TXNRD3: variants seen among roughly 807,000 people sequenced by gnomAD.
TXNRD3 encodes TXNRD3 neighbor gene protein.
Under a neutral mutation model 78.2 loss-of-function variants are expected in TXNRD3, and 68 were observed. The ratio of observed to expected loss-of-function variants is 0.87; its 90% CI spans 0.72 to 1.06. The LOEUF (loss-of-function observed/expected upper bound fraction) is 1.06. Among genes scored for constraint, TXNRD3 ranks in the 50% least tolerant of loss-of-function variants. The pLI, the probability that TXNRD3 is intolerant of heterozygous loss-of-function variation, is 0.00. For synonymous variants in TXNRD3, 296 were observed against 300.1 expected (o/e 0.99, Z 0.14); for missense variants, 751 against 809.5 (o/e 0.93, Z 0.88).
Position 126,637,932 on chromosome 3 carries a change from C to CTTTTTT in TXNRD3, c.713-3887_713-3882dup, listed in dbSNP as rs71615916. Among the ~76,000 whole-genome samples the CTTTTTT allele has an allele frequency of 1.2e-3, 73 of 60,240 alleles. 3 individuals carry two copies. The highest frequency in any genetic ancestry group is 1.3e-3 in the Non-Finnish European group (47 of 35,184). The allele number at this position is 60,240 out of a possible 152,430, so 39.5% of individuals were successfully genotyped here. On this transcript the variant is annotated intron_variant, in intron 6 of 15. Coordinates refer to ENST00000524230, the MANE Select transcript of TXNRD3 (RefSeq NM_052883.3). ...CTTATTTTAACCTATATTTCTCTCT[C>CTTTTTT]TTTTTTTTTTTTTTTTTTTTTTTTT...
At position 126,630,764 on chromosome 3, in the gene TXNRD3, G is replaced by T; in HGVS notation, c.1145C>A (p.Ser382Tyr). 1.3e-6 allele frequency: 2 copies of T among 1,534,510 alleles called. No individual in the cohort carries two copies. Among genetic ancestry groups the T allele is most frequent in the Non-Finnish European group, 1.7e-6 (2 of 1,146,868 alleles). Residue 382 changes from serine to tyrosine, a missense_variant, in exon 9 of 16, where the codon TCC becomes TAC. By Grantham distance (144) the Ser-to-Tyr change is moderately radical. Transcript: ENST00000524230. Reference sequence around the variant, plus strand: ...CTTCACACCATGCTGCTCCATGTAGGAACCCACTTTTTCTGCCATTTCTTG... The same window carrying T: ...CTTCACACCATGCTGCTCCATGTAGTAACCCACTTTTTCTGCCATTTCTTG...
At chr3:126,615,486 G>T in intron 12 of TXNRD3, 24 bp from the exon 13 acceptor site, 1 of 1,250,944 alleles carries the variant, frequency 8.0e-7, no homozygotes, top group African/African-American at 1.5e-5. Context: ...AAATTACATT[G>T]TCTTATTTTG....
chr3:126,609,119 T>C, intron 14 of TXNRD3: 1 of 438,092 alleles, frequency 2.3e-6, no homozygotes, highest in South Asian at 1.6e-5. Context: ...AGGTATGGGG[T>C]GCAGGCAATG....
chr3:126,630,563 G>T lies in TXNRD3; in HGVS notation c.1197+149C>A, dbSNP rs554314552. On this transcript the variant is annotated intron_variant, in intron 9 of 15. Coordinates refer to ENST00000524230, the MANE Select transcript of TXNRD3 (RefSeq NM_052883.3). ...TCCTATATCAGAAGAGGGGACGAGG[G>T]GGAAAATGGGGTTGGCTCTGTAGAC... 1.4e-5 allele frequency: 11 copies of T among 803,990 alleles called. 1 individual carries two copies. The South Asian group carries it at 1.8e-4, about 13-fold the overall frequency. The allele number at this position is 803,990 out of a possible 1,614,324, so 49.8% of individuals were successfully genotyped here.
At chr3:126,635,741 T>C (rs1239312467) in intron 6 of TXNRD3, among the ~76,000 whole-genome samples, 1 of 152,198 alleles carries the variant, frequency 6.6e-6, no homozygotes, top group Non-Finnish European at 1.5e-5. Flanking sequence ...TTTATATTCT[T>C]TCCTTATATA....
At chr3:126,639,144 G>A (rs1932992606) in intron 6 of TXNRD3, among the ~76,000 whole-genome samples, 1 of 152,196 alleles carries the variant, frequency 6.6e-6, no homozygotes, top group South Asian at 2.1e-4. Context: ...TTGAAACAGT[G>A]TAGATATTTA....
In TXNRD3 at chr3:126,622,878, G is replaced by A. The variant is rs774772881; in HGVS notation, c.1291-338C>T. Among the ~76,000 whole-genome samples, 50 of 152,258 alleles carry A rather than the reference G, an allele frequency of 3.3e-4. 1 individual carries two copies. Among genetic ancestry groups the A allele is most frequent in the Non-Finnish European group, 5.6e-4 (38 of 68,016 alleles). ...GGTCATATGGGTGTGCCTTAATCCAGTATGACTGGTGTGCTATAAGAAGAG... is the reference window on the plus strand; with the variant it reads ...GGTCATATGGGTGTGCCTTAATCCAATATGACTGGTGTGCTATAAGAAGAG... On this transcript the variant is annotated intron_variant, in intron 10 of 15. Coordinates refer to ENST00000524230, the MANE Select transcript of TXNRD3 (RefSeq NM_052883.3).
chr3:126,628,099 C>T (rs1018680099), intron 10 of TXNRD3, among the ~76,000 whole-genome samples: 2 of 151,948 alleles, frequency 1.3e-5, no homozygotes, highest in African/African-American at 2.4e-5. Context: ...CAGCTGCAAA[C>T]GAAACACTGT....
chr3:126,652,950 T>C (rs1049787832), intron 1 of TXNRD3, among the ~76,000 whole-genome samples: 5 of 152,250 alleles, frequency 3.3e-5, no homozygotes, highest in African/African-American at 1.2e-4. Flanking sequence ...AACTGCCCAG[T>C]GGCACGAGGT....
chr3:126,651,392 A>G (rs1933386738), intron 1 of TXNRD3, among the ~76,000 whole-genome samples: 1 of 152,250 alleles, frequency 6.6e-6, no homozygotes, highest in South Asian at 2.1e-4. Context: ...AATTCCAATA[A>G]TCAGAGTTGT....
intron 7 of TXNRD3, 94 bp downstream of exon 7, chr3:126,633,815 C>T: frequency 9.8e-7 from 1 of 1,019,490 alleles, no homozygotes. Flanking sequence ...ACGCCTGTTA[C>T]ACCCCTTAAC....
chr3:126,626,933 A>T (rs531944546), intron 10 of TXNRD3, among the ~76,000 whole-genome samples: 15 of 152,208 alleles, frequency 9.9e-5, no homozygotes, highest in Admixed American at 2.0e-4. Flanking sequence ...CGTAAAAAAA[A>T]AAAAATTAGC....
At chr3:126,617,969 T>C (rs1401757523) in intron 12 of TXNRD3, among the ~76,000 whole-genome samples, 1 of 152,216 alleles carries the variant, frequency 6.6e-6, no homozygotes, top group Non-Finnish European at 1.5e-5. Flanking sequence ...CAATTCCATT[T>C]ATAATAGCTA....
rs1576276709 is a variant in TXNRD3, at chr3:126,607,669, G to A, written c.*236C>T. ...GGCTCACCTCATAACGGGGCTCCAA[G>A]CTAAGGCGTCAAGGAAGCAGTCCCA... On this transcript the variant is annotated 3_prime_UTR_variant, in exon 16 of 16. Transcript: ENST00000524230. 5 of 344,154 alleles carry A rather than the reference G, an allele frequency of 1.5e-5. No homozygotes were observed. In the East Asian group the frequency reaches 2.2e-4, roughly 15 times the overall value. The allele number at this position is 344,154 out of a possible 1,614,324, so 21.3% of individuals were successfully genotyped here. A position where few individuals can be genotyped will look rare whatever the true frequency, so the allele number is the denominator to read the frequency against.
intron 10 of TXNRD3, among the ~76,000 whole-genome samples, chr3:126,623,093 C>G (rs1444321223): frequency 2.0e-5 from 3 of 152,152 alleles, no homozygotes; most frequent in Non-Finnish European, 4.4e-5. Flanking sequence ...TGGTACTCTT[C>G]CAGAACTGTG....
chr3:126,638,068 C>T (rs368220917), intron 6 of TXNRD3, among the ~76,000 whole-genome samples: 171 of 150,030 alleles, frequency 1.1e-3, no homozygotes, highest in African/African-American at 3.7e-3. Flanking sequence ...CTCAACCTCC[C>T]GAGTAGCTGG....
rs2107625233 is a variant in TXNRD3, at chr3:126,642,157, G to A, written c.593-6C>T. ...TACACAAGTGCCACCAAGACCTGAG[G>A]AAGAAAATAAGTTTTAATGCTTCTT... is the stretch of plus-strand genomic sequence containing the variant. On this transcript the variant is annotated splice_region_variant and splice_polypyrimidine_tract_variant and intron_variant, in intron 5 of 15. Transcript: ENST00000524230. 3.3e-6 allele frequency: 5 copies of A among 1,528,538 alleles called. No homozygotes were observed. The highest frequency in any genetic ancestry group is 4.4e-6 in the Non-Finnish European group (5 of 1,144,554). 94.7% of individuals were successfully genotyped at this position (1,528,538 alleles called of 1,614,324 possible). A position where few individuals can be genotyped will look rare whatever the true frequency, so the allele number is the denominator to read the frequency against.
chr3:126,642,033 T>A lies in TXNRD3; in HGVS notation c.711A>T (p.Gln237His). 1 of 1,534,320 alleles carries A rather than the reference T, an allele frequency of 6.5e-7. No homozygotes were observed. Among genetic ancestry groups the A allele is most frequent in the South Asian group, 1.2e-5 (1 of 83,578 alleles). Reference sequence around the variant, plus strand: ...TATACTTTATGAACCATTACTCACCTTGTTGATTATATTCCCAGCCAAATT... The same window carrying A: ...TATACTTTATGAACCATTACTCACCATGTTGATTATATTCCCAGCCAAATT... Residue 237 changes from glutamine (Q) to histidine (H), a missense_variant and splice_region_variant, in exon 6 of 16, where the codon CAA (glutamine) becomes CAT (histidine). Coordinates refer to ENST00000524230, the MANE Select transcript of TXNRD3 (RefSeq NM_052883.3).
chr3:126,646,038 A>G (rs1933220868), intron 3 of TXNRD3, 73 bp downstream of exon 3: 1 of 1,234,322 alleles, frequency 8.1e-7, no homozygotes, highest in African/African-American at 1.6e-5. Flanking sequence ...CCTAAAAACC[A>G]TTTTCTCCTC....
Sources: allele counts gnomAD v4.1 joint callset (sites outside exome capture counted in the v4.1 genomes callset), GRCh38; gene constraint gnomAD v4.1.1; transcripts MANE v1.5; gene names NCBI Gene and HGNC (gene_info 2026-07-23, HGNC 2026-07-21).